The following LAMC3 variants were observed in gnomAD, a reference collection of about 807,000 sequenced individuals.
LAMC3 encodes the protein laminin subunit gamma-3.
A neutral mutation model predicts 173.8 loss-of-function variants in LAMC3; 128 were observed. The ratio of observed to expected loss-of-function variants is 0.74; its 90% CI spans 0.64 to 0.85. LAMC3 has a LOEUF of 0.85. Among genes scored for constraint, LAMC3 ranks in the 40% least tolerant of loss-of-function variants. LAMC3 has a pLI of 0.00. For missense variants in LAMC3, 2,022 were observed against 2,156.0 expected (o/e 0.94, Z 1.23); for synonymous variants, 897 against 909.1 (o/e 0.99, Z 0.24).
At chr9:131,022,215 AACAC>A (rs56948132) in intron 1 of LAMC3, among the ~76,000 whole-genome samples, 7 of 144,648 alleles carry the variant, frequency 4.8e-5, no homozygotes, top group East Asian at 2.0e-4. Flanking sequence ...TGTGGATGAA[AACAC>A]ACACACACAC....
intron 2 of LAMC3, among the ~76,000 whole-genome samples, chr9:131,031,603 A>G (rs1239301670): frequency 6.6e-6 from 1 of 152,166 alleles, no homozygotes; most frequent in Non-Finnish European, 1.5e-5. Flanking sequence ...TATCCCTGGA[A>G]TGAGGTGCAG....
chr9:131,079,676 G>C (rs1830202039), intron 23 of LAMC3, among the ~76,000 whole-genome samples: 1 of 152,072 alleles, frequency 6.6e-6, no homozygotes. Context: ...TCTGGCAACA[G>C]AGTGAGACCC....
At position 131,029,395 on chromosome 9, in the gene LAMC3, G is replaced by A. The variant is rs1256907277; in HGVS notation, c.679-2650G>A. On this transcript the variant is annotated intron_variant, in intron 2 of 27. Coordinates refer to ENST00000361069, the MANE Select transcript of LAMC3 (RefSeq NM_006059.4). The surrounding 1 kb of genome is among the most constrained non-coding windows in gnomAD (Gnocchi z 4.6). The stretch of plus-strand genomic sequence containing the variant: ...AGATGAAGACAGGCAGGGAGGGCCG[G>A]CCCCCGCTCCCACCTGCGTCTGTGC... Among the ~76,000 whole-genome samples the A allele has an allele frequency of 1.3e-5, 2 of 152,188 alleles. No individual in the cohort carries two copies. The highest frequency in any genetic ancestry group is 2.4e-5 in the African/African-American group (1 of 41,450).
chr9:131,045,758 T>G, intron 8 of LAMC3, 98 bp downstream of exon 8: 1 of 1,458,976 alleles, frequency 6.9e-7, no homozygotes, highest in Non-Finnish European at 9.5e-7. Context: ...GATCTCCCAT[T>G]GTGGAGAGGA....
chr9:131,049,016 C>A lies in LAMC3; in HGVS notation c.1520-4C>A, dbSNP rs1391537617. The stretch of plus-strand genomic sequence containing the variant: ...ATCGGGGGGTGTCTGTGTTTGCTGT[C>A]TAGGAGCCGAAGGCTGGTGGGCCAG... On this transcript the variant is annotated splice_region_variant and splice_polypyrimidine_tract_variant and intron_variant, in intron 8 of 27. Coordinates refer to ENST00000361069, the MANE Select transcript of LAMC3 (RefSeq NM_006059.4). The A allele has an allele frequency of 6.5e-7, 1 of 1,541,482 alleles. No homozygotes were observed. Among genetic ancestry groups the A allele is most frequent in the Non-Finnish European group, 8.8e-7 (1 of 1,138,440 alleles).
At chr9:131,044,355 C>G (rs1834109652) in intron 7 of LAMC3, among the ~76,000 whole-genome samples, 1 of 151,410 alleles carries the variant, frequency 6.6e-6, no homozygotes, top group African/African-American at 2.4e-5. Context: ...ACTAAAAATA[C>G]AAAAATTAGC....
Position 131,039,206 on chromosome 9 carries a change from G to A in LAMC3, c.1241G>A (p.Arg414His), listed in dbSNP as rs372564761. 3.8e-5 allele frequency: 61 copies of A among 1,608,148 alleles called. No homozygotes were observed. The highest frequency in any genetic ancestry group is 1.6e-4 in the Middle Eastern group (1 of 6,084). ...ACGGTGACTGGCTGGAAGTGTGACCGCTGTCTGCCCGGGTTCCACTCGCTC... is the reference window on the plus strand; with the variant it reads ...ACGGTGACTGGCTGGAAGTGTGACCACTGTCTGCCCGGGTTCCACTCGCTC... ...KPTVTGWKCD[R>H]CLPGFHSLSE... Residue 414 changes from arginine to histidine, a missense_variant, in exon 6 of 28, where the codon CGC (arginine) becomes CAC (histidine). Arg to His is a conservative substitution (Grantham distance 29, BLOSUM62 0). Coordinates refer to ENST00000361069, the MANE Select transcript of LAMC3 (RefSeq NM_006059.4).
At position 131,089,668 on chromosome 9, in the gene LAMC3, G is replaced by A. The variant is rs552261373; in HGVS notation, c.4477+1851G>A. On this transcript the variant is annotated intron_variant, in intron 27 of 27. Transcript: ENST00000361069. ...CTCCCAAAGTGCTGGGATCACAAGC[G>A]TGAGCCACCATGCCCGGCCTTATTT... Among the ~76,000 whole-genome samples, 81 of 151,992 alleles carry A rather than the reference G, an allele frequency of 5.3e-4. 1 individual carries two copies. Among genetic ancestry groups the A allele is most frequent in the African/African-American group, 2.0e-3 (81 of 41,474 alleles).
Position 131,039,182 on chromosome 9 carries a change from C to G in LAMC3, c.1217C>G (p.Thr406Arg). 6.2e-7 allele frequency: 1 copy of G among 1,610,614 alleles called. No homozygotes were observed. Among genetic ancestry groups the G allele is most frequent in the Non-Finnish European group, 8.5e-7 (1 of 1,180,008 alleles). Residue 406 changes from threonine to arginine, a missense_variant, in exon 6 of 28, where the codon ACG (threonine) becomes AGG (arginine). Transcript: ENST00000361069. ...DDTGTCACKPTVTGWKCDRCL... is the reference protein window; with the variant it reads ...DDTGTCACKPRVTGWKCDRCL... ...ACAGGCACCTGCGCCTGCAAGCCCA[C>G]GGTGACTGGCTGGAAGTGTGACCGC...
intron 1 of LAMC3, among the ~76,000 whole-genome samples, chr9:131,021,713 C>G (rs1833628298): frequency 6.6e-6 from 1 of 152,186 alleles, no homozygotes; most frequent in Non-Finnish European, 1.5e-5. Context: ...GCCACACACA[C>G]CAGTCACAAG....
In LAMC3 at chr9:131,066,881, T is replaced by C; in HGVS notation, c.2348-79T>C. 2.5e-6 allele frequency: 4 copies of C among 1,574,568 alleles called. 1 individual carries two copies. The Admixed American group carries it at 6.7e-5, about 27-fold the overall frequency. ...TGCTCCGGGGAAGGTGGAGGGACGCTTGCTCTGCTTCACACCCACCCTCAT... is the reference window on the plus strand; with the variant it reads ...TGCTCCGGGGAAGGTGGAGGGACGCCTGCTCTGCTTCACACCCACCCTCAT... On this transcript the variant is annotated intron_variant, in intron 13 of 27. Coordinates refer to ENST00000361069, the MANE Select transcript of LAMC3 (RefSeq NM_006059.4).
In LAMC3 at chr9:131,026,778, C is replaced by T. The variant is rs568127517; in HGVS notation, c.678+189C>T. Reference sequence around the variant, plus strand: ...AGGCTGGAGTGCAGTGACGCGATTTCGGTTCACTGAAACCTCCGCCTCCTT... The same window carrying T: ...AGGCTGGAGTGCAGTGACGCGATTTTGGTTCACTGAAACCTCCGCCTCCTT... On this transcript the variant is annotated intron_variant, in intron 2 of 27. Transcript: ENST00000361069. This position sits in a 1 kb window ranked among gnomAD's most constrained non-coding sequence, Gnocchi z 4.8. 2.2e-3 allele frequency among the ~76,000 whole-genome samples: 328 copies of T among 152,276 alleles called. 3 individuals carry two copies. Among genetic ancestry groups the T allele is most frequent in the African/African-American group, 7.1e-3 (293 of 41,554 alleles).
intron 2 of LAMC3, among the ~76,000 whole-genome samples, chr9:131,028,946 A>G (rs1833778442): frequency 6.6e-6 from 1 of 152,164 alleles, no homozygotes; most frequent in Admixed American, 6.5e-5. Flanking sequence ...TAAATGTGTG[A>G]GCCACCACAC....
At position 131,057,056 on chromosome 9, in the gene LAMC3, G is replaced by T; in HGVS notation, c.2067G>T (p.Pro689=). 4.3e-6 allele frequency: 7 copies of T among 1,614,106 alleles called. No homozygotes were observed. The highest frequency in any genetic ancestry group is 5.9e-6 in the Non-Finnish European group (7 of 1,180,020). ...YTGQFCESCA[P]GYKREMPQGG... ...GCCAGTTCTGTGAATCCTGTGCTCC[G>T]GGATACAAGAGGGAGATGCCACAGG... The change falls in exon 12 of 28, where the codon CCG becomes CCT. Residue 689 remains proline (P), a synonymous_variant. Transcript: ENST00000361069.
intron 27 of LAMC3, 75 bp from the exon 28 acceptor site, chr9:131,091,462 G>T: frequency 6.5e-7 from 1 of 1,541,220 alleles, no homozygotes; most frequent in Non-Finnish European, 8.8e-7. Flanking sequence ...CTGGGGAGAG[G>T]CTCAGGGGCT....
chr9:131,065,527 T>A (rs73658917), intron 13 of LAMC3, among the ~76,000 whole-genome samples: 1 of 151,948 alleles, frequency 6.6e-6, no homozygotes, highest in African/African-American at 2.4e-5. Flanking sequence ...ATGGTGACAA[T>A]GAAGAGGGTG....
chr9:131,066,068 A>G (rs1476703849), intron 13 of LAMC3, among the ~76,000 whole-genome samples: 1 of 152,038 alleles, frequency 6.6e-6, no homozygotes. Context: ...GGTGGCACAC[A>G]CCTGTAGTCC....
chr9:131,056,920 G>A lies in LAMC3; in HGVS notation c.1940-9G>A, dbSNP rs183574786. Reference sequence around the variant, plus strand: ...CTCCTCTCTTCCTCTCTCCCTTCTCGCTCTGCAGGTCCAGTGTTCCTGACT... The same window carrying A: ...CTCCTCTCTTCCTCTCTCCCTTCTCACTCTGCAGGTCCAGTGTTCCTGACT... On this transcript the variant is annotated splice_polypyrimidine_tract_variant and intron_variant, in intron 11 of 27. Transcript: ENST00000361069. The A allele has an allele frequency of 1.6e-3, 2,584 of 1,609,084 alleles. 9 individuals are homozygous for A. Among genetic ancestry groups the A allele is most frequent in the Non-Finnish European group, 1.9e-3 (2,238 of 1,178,456 alleles).
intron 17 of LAMC3, 67 bp downstream of exon 17, chr9:131,069,917 C>G (rs1830011335): frequency 2.7e-6 from 4 of 1,483,002 alleles, no homozygotes; most frequent in Non-Finnish European, 3.7e-6. Context: ...CAGCTCTATG[C>G]CGGGCACCAG....
Sources: gnomAD v4.1 joint callset for allele counts (sites outside exome capture counted in the v4.1 genomes callset) on GRCh38, gnomAD v4.1.1 for gene constraint, Gnocchi (gnomAD v3.1) non-coding constraint, MANE v1.5 for transcripts, NCBI Gene and HGNC (gene_info 2026-07-23, HGNC 2026-07-21) for gene names.